The following ADCY8 variants were observed in gnomAD, a reference collection of about 807,000 sequenced individuals.
ADCY8 encodes adenylate cyclase type 8.
Under a neutral mutation model 119.7 loss-of-function variants are expected in ADCY8, and 51 were observed. That is an observed-to-expected ratio of 0.43 (90% confidence interval 0.34 to 0.54). The LOEUF is 0.54. Among genes scored for constraint, ADCY8 ranks in the 20% least tolerant of loss-of-function variants. The probability of loss-of-function intolerance (pLI) is 0.03; values close to 1 mark genes in which losing one functional copy is unlikely to be tolerated. For missense variants in ADCY8, 1,383 were observed against 1,598.8 expected (o/e 0.87, Z 2.30); for synonymous variants, 665 against 651.0 (o/e 1.02, Z -0.33).
At chr8:130,970,679 T>C (rs562629177) in intron 2 of ADCY8, among the ~76,000 whole-genome samples, 1 of 152,252 alleles carries the variant, frequency 6.6e-6, no homozygotes, top group South Asian at 2.1e-4. Flanking sequence ...CTAGATGATA[T>C]TGTGTTGGTT....
At chr8:130,831,015 T>C (rs1017433006) in intron 12 of ADCY8, among the ~76,000 whole-genome samples, 31 of 152,190 alleles carry the variant, frequency 2.0e-4, no homozygotes, top group African/African-American at 7.0e-4. Context: ...GACAAAACAC[T>C]AAATGCTTTG....
chr8:130,798,136 C>G (rs886552054), intron 15 of ADCY8, among the ~76,000 whole-genome samples: 2 of 152,154 alleles, frequency 1.3e-5, no homozygotes, highest in African/African-American at 4.8e-5. Flanking sequence ...TCTGGCAACA[C>G]TTGTAAAAAC....
At chr8:130,983,311 G>A (rs1397216281) in intron 2 of ADCY8, among the ~76,000 whole-genome samples, 2 of 152,158 alleles carry the variant, frequency 1.3e-5, no homozygotes, top group Non-Finnish European at 2.9e-5. Context: ...CAGCAGGGTA[G>A]GATATGGGAA....
At chr8:130,975,381 G>C (rs190663476) in intron 2 of ADCY8, among the ~76,000 whole-genome samples, 1 of 152,164 alleles carries the variant, frequency 6.6e-6, no homozygotes, top group East Asian at 1.9e-4. Flanking sequence ...CATGTGACAG[G>C]CTCTGAATGT....
chr8:130,926,630 G>T (rs1179052261), intron 5 of ADCY8, among the ~76,000 whole-genome samples: 1 of 151,936 alleles, frequency 6.6e-6, no homozygotes. Flanking sequence ...CATTTTTCAA[G>T]AATAAAATAT....
At chr8:131,038,795 A>G (rs941113197) in intron 1 of ADCY8, among the ~76,000 whole-genome samples, 7 of 152,210 alleles carry the variant, frequency 4.6e-5, no homozygotes, top group Non-Finnish European at 8.8e-5. Flanking sequence ...GCAATAAAAA[A>G]TTCCCGAGAA....
At chr8:130,827,481 C>T (rs1391105368) in intron 12 of ADCY8, among the ~76,000 whole-genome samples, 1 of 152,172 alleles carries the variant, frequency 6.6e-6, no homozygotes. Flanking sequence ...AATCTGTGAG[C>T]CTATGTAAAT....
intron 14 of ADCY8, among the ~76,000 whole-genome samples, chr8:130,807,941 G>A (rs1389252278): frequency 3.8e-5 from 4 of 106,448 alleles, no homozygotes; most frequent in South Asian, 4.4e-4. Flanking sequence ...CCGAGATCCC[G>A]CCACTGCACT....
chr8:130,939,593 G>A (rs1170232596), intron 4 of ADCY8, among the ~76,000 whole-genome samples: 2 of 152,148 alleles, frequency 1.3e-5, no homozygotes, highest in Non-Finnish European at 2.9e-5. Context: ...AATTACTTTG[G>A]TCTAAGAATC....
At chr8:130,823,224 C>T (rs1482840885) in intron 12 of ADCY8, among the ~76,000 whole-genome samples, 3 of 148,280 alleles carry the variant, frequency 2.0e-5, no homozygotes, top group Non-Finnish European at 4.5e-5. Context: ...CTAGACAAAA[C>T]TCAGAAGAAA....
At chr8:130,790,001 A>G (rs1236185924) in intron 15 of ADCY8, among the ~76,000 whole-genome samples, 3 of 152,176 alleles carry the variant, frequency 2.0e-5, no homozygotes, top group Non-Finnish European at 4.4e-5. Context: ...CAAGTCATTC[A>G]TTCATTTATT....
intron 15 of ADCY8, among the ~76,000 whole-genome samples, chr8:130,800,042 G>A (rs961377209): frequency 3.2e-4 from 48 of 152,238 alleles, no homozygotes; most frequent in African/African-American, 1.1e-3. Flanking sequence ...CAAATGGACA[G>A]TTTTATCTTT....
intron 14 of ADCY8, among the ~76,000 whole-genome samples, chr8:130,809,423 T>C (rs181131902): frequency 4.9e-4 from 75 of 152,358 alleles, no homozygotes; most frequent in African/African-American, 1.7e-3. Context: ...TTTGTACTTA[T>C]GATACCTTTG....
At chr8:130,889,411 C>A (rs944228452) in intron 7 of ADCY8, among the ~76,000 whole-genome samples, 1 of 151,974 alleles carries the variant, frequency 6.6e-6, no homozygotes. Context: ...ATAAGTTCCA[C>A]AGAAATAAGA....
In ADCY8 at chr8:130,836,350, T is replaced by C. The variant is rs1341019635; in HGVS notation, c.2602A>G (p.Ile868Val). 1 of 1,613,944 alleles carries C rather than the reference T, an allele frequency of 6.2e-7. No individual in the cohort carries two copies. Among genetic ancestry groups the C allele is most frequent in the East Asian group, 2.2e-5 (1 of 44,864 alleles). ...ACGGTCTCAGTGAGCAGGGCATAGATGGCAATCATGATCAGCAGCACTGCC... is the reference window on the plus strand; with the variant it reads ...ACGGTCTCAGTGAGCAGGGCATAGACGGCAATCATGATCAGCAGCACTGCC... ...KLAVLLIMIA[I>V]YALLTETVYA... is the part of the protein sequence containing the mutation. Residue 868 changes from isoleucine (I) to valine (V), a missense_variant, in exon 12 of 18, where the codon ATC becomes GTC. Coordinates refer to ENST00000286355, the MANE Select transcript of ADCY8 (RefSeq NM_001115.3).
chr8:131,028,191 AT>A (rs777829314), intron 1 of ADCY8, among the ~76,000 whole-genome samples: 1 of 152,212 alleles, frequency 6.6e-6, no homozygotes, highest in Non-Finnish European at 1.5e-5. Context: ...CAGGAGGAGA[AT>A]TTGTGTTTTC....
chr8:131,040,340 G>C lies in ADCY8; in HGVS notation c.-7C>G. 1 of 1,485,686 alleles carries C rather than the reference G, an allele frequency of 6.7e-7. No individual in the cohort carries two copies. 92.0% of individuals were successfully genotyped at this position (1,485,686 alleles called of 1,614,324 possible). A position where few individuals can be genotyped will look rare whatever the true frequency, so the allele number is the denominator to read the frequency against. On this transcript the variant is annotated 5_prime_UTR_variant, in exon 1 of 18. Transcript: ENST00000286355. ...GCACATCGGAGAGCTCCATGGCTCT[G>C]GGCCGCAGGGAAGGAGGCCCAGAAC...
At chr8:130,912,371 A>C (rs889659800) in intron 5 of ADCY8, among the ~76,000 whole-genome samples, 1 of 152,150 alleles carries the variant, frequency 6.6e-6, no homozygotes, top group Admixed American at 6.5e-5. Flanking sequence ...TGGGTGTCCA[A>C]TACTTTCTAT....
chr8:130,805,591 C>T (rs1281398881), intron 14 of ADCY8, among the ~76,000 whole-genome samples: 1 of 152,150 alleles, frequency 6.6e-6, no homozygotes, highest in African/African-American at 2.4e-5. Flanking sequence ...CCATAAGATG[C>T]TAACTGATGG....
Sources: gnomAD v4.1 joint callset for allele counts (sites outside exome capture counted in the v4.1 genomes callset) on GRCh38, gnomAD v4.1.1 for gene constraint, MANE v1.5 for transcripts, NCBI Gene and HGNC (gene_info 2026-07-23, HGNC 2026-07-21) for gene names.